FARS2: variants seen among roughly 807,000 people sequenced by gnomAD.
FARS2 encodes the protein phenylalanine--tRNA ligase, mitochondrial.
In FARS2, 40 loss-of-function variants were observed where a neutral mutation model predicts 46.4. That is an observed-to-expected ratio of 0.86 (90% CI 0.67 to 1.12). The LOEUF (loss-of-function observed/expected upper bound fraction) is 1.12. FARS2 is among the 50% of genes most tolerant of loss of function. The pLI is 0.00. For synonymous variants in FARS2, 234 were observed against 214.9 expected, an observed-to-expected ratio of 1.09 and a Z score of -0.78; for missense variants, 513 against 567.9, an observed-to-expected ratio of 0.90 and a Z score of 0.98.
intron 5 of FARS2, among the ~76,000 whole-genome samples, chr6:5,566,704 C>A (rs1398422681): frequency 2.0e-5 from 3 of 152,208 alleles, no homozygotes; most frequent in Non-Finnish European, 4.4e-5. Context: ...ATACCTATAA[C>A]TTGAGTATCT....
intron 2 of FARS2, among the ~76,000 whole-genome samples, chr6:5,375,407 TAGA>T (rs1041741163): frequency 1.3e-5 from 2 of 151,934 alleles, no homozygotes; most frequent in Admixed American, 1.3e-4. Flanking sequence ...TTAAAAGACA[TAGA>T]AGAACATAAG....
At chr6:5,738,926 G>A (rs79676828) in intron 6 of FARS2, among the ~76,000 whole-genome samples, 15,528 of 152,020 alleles carry the variant, frequency 0.1, 932 homozygotes, top group Non-Finnish European at 0.14. Flanking sequence ...AACAGCCAGC[G>A]CAGCCTGGAC....
At chr6:5,494,032 T>G (rs554440650) in intron 4 of FARS2, among the ~76,000 whole-genome samples, 6 of 152,266 alleles carry the variant, frequency 3.9e-5, no homozygotes, top group Admixed American at 2.0e-4. Context: ...GGAGTTCCTG[T>G]CAGAAGTTCA....
At chr6:5,461,043 CTT>C (rs749504920) in intron 4 of FARS2, among the ~76,000 whole-genome samples, 16 of 141,318 alleles carry the variant, frequency 1.1e-4, no homozygotes, top group Non-Finnish European at 7.8e-5. Context: ...ATTTTAAAGT[CTT>C]TTTTTTTTTT....
intron 4 of FARS2, among the ~76,000 whole-genome samples, chr6:5,497,072 A>G (rs1252752321): frequency 6.6e-6 from 1 of 152,200 alleles, no homozygotes; most frequent in Non-Finnish European, 1.5e-5. Context: ...TTCAATATAA[A>G]AGTAAGGCTA....
chr6:5,671,954 C>T (rs993151883), intron 6 of FARS2, among the ~76,000 whole-genome samples: 23 of 152,176 alleles, frequency 1.5e-4, no homozygotes, highest in Non-Finnish European at 2.1e-4. Flanking sequence ...TCGTGAGGAA[C>T]GTGCATTTGC....
intron 1 of FARS2, among the ~76,000 whole-genome samples, chr6:5,263,304 T>G (rs1765323789): frequency 6.6e-6 from 1 of 152,202 alleles, no homozygotes; most frequent in African/African-American, 2.4e-5. Context: ...TTAAATAGTT[T>G]GGGTAGCTTA....
At chr6:5,506,955 A>G (rs1433794836) in intron 4 of FARS2, among the ~76,000 whole-genome samples, 1 of 152,178 alleles carries the variant, frequency 6.6e-6, no homozygotes, top group Non-Finnish European at 1.5e-5. Context: ...ATACATGTCT[A>G]CTGTAAATGG....
At chr6:5,597,682 C>T (rs1463998215) in intron 5 of FARS2, among the ~76,000 whole-genome samples, 1 of 152,162 alleles carries the variant, frequency 6.6e-6, no homozygotes, top group East Asian at 1.9e-4. Flanking sequence ...AATAACATTT[C>T]ACATTTCTCC....
intron 2 of FARS2, 102 bp from the exon 3 acceptor site, chr6:5,404,440 A>G (rs1227611123): frequency 1.4e-6 from 1 of 707,068 alleles, no homozygotes; most frequent in South Asian, 2.9e-5. Flanking sequence ...TTCCCACATT[A>G]TAACTTTTTA....
Position 5,630,474 on chromosome 6 carries a change from C to A in FARS2, c.1217+17154C>A, listed in dbSNP as rs1007727092. ...CACAAATGTTCATAACTAGAGAATA[C>A]TTGATTTAATGGATTTATGCAAAGG... On this transcript the variant is annotated intron_variant, in intron 6 of 6. Coordinates refer to ENST00000274680, the MANE Select transcript of FARS2 (RefSeq NM_006567.5). This position sits in a 1 kb window ranked among gnomAD's most constrained non-coding sequence, Gnocchi z 4.2. 1.3e-5 allele frequency among the ~76,000 whole-genome samples: 2 copies of A among 152,166 alleles called. No individual in the cohort carries two copies. Among genetic ancestry groups the A allele is most frequent in the Non-Finnish European group, 2.9e-5 (2 of 68,030 alleles).
intron 1 of FARS2, among the ~76,000 whole-genome samples, chr6:5,339,360 T>C (rs766479637): frequency 5.9e-5 from 9 of 152,110 alleles, no homozygotes; most frequent in Non-Finnish European, 1.2e-4. Context: ...ATGTCAAAAA[T>C]GAAATCAGGG....
At chr6:5,274,310 T>G (rs766974771) in intron 1 of FARS2, among the ~76,000 whole-genome samples, 1 of 152,210 alleles carries the variant, frequency 6.6e-6, no homozygotes, top group Non-Finnish European at 1.5e-5. Context: ...AATGCGGTCT[T>G]AGGCTTCATA....
At chr6:5,487,420 G>C (rs1464086021) in intron 4 of FARS2, among the ~76,000 whole-genome samples, 1 of 152,168 alleles carries the variant, frequency 6.6e-6, no homozygotes, top group Non-Finnish European at 1.5e-5. Flanking sequence ...CTAACATATA[G>C]TGTGCACTCA....
At chr6:5,612,117 G>A (rs1404673443) in intron 5 of FARS2, among the ~76,000 whole-genome samples, 1 of 152,178 alleles carries the variant, frequency 6.6e-6, no homozygotes, top group Non-Finnish European at 1.5e-5. Flanking sequence ...TATCGTGTTT[G>A]TATGAAATGT....
intron 1 of FARS2, among the ~76,000 whole-genome samples, chr6:5,340,923 G>A (rs1217925349): frequency 2.0e-5 from 3 of 151,654 alleles, no homozygotes; most frequent in South Asian, 2.1e-4. Context: ...CGAGGCGGGC[G>A]GATCACAAGG....
intron 4 of FARS2, among the ~76,000 whole-genome samples, chr6:5,443,763 A>G (rs1582120108): frequency 6.6e-6 from 1 of 152,226 alleles, no homozygotes; most frequent in Admixed American, 6.5e-5. Flanking sequence ...CTGATAAAAC[A>G]TACATTGTAG....
chr6:5,757,714 T>G (rs2150973119), intron 6 of FARS2, among the ~76,000 whole-genome samples: 1 of 152,304 alleles, frequency 6.6e-6, no homozygotes, highest in Admixed American at 6.5e-5. Context: ...ACCTAATATT[T>G]GGGTGCATCT....
At chr6:5,546,990 T>G (rs1190272329) in intron 5 of FARS2, among the ~76,000 whole-genome samples, 1 of 151,862 alleles carries the variant, frequency 6.6e-6, no homozygotes, top group Non-Finnish European at 1.5e-5. Flanking sequence ...CTTGCTCTGT[T>G]CCCCAGGCTG....
Sources: allele counts gnomAD v4.1 joint callset (sites outside exome capture counted in the v4.1 genomes callset), GRCh38; gene constraint gnomAD v4.1.1; non-coding constraint Gnocchi (gnomAD v3.1); transcripts MANE v1.5; gene names NCBI Gene and HGNC (gene_info 2026-07-23, HGNC 2026-07-21).